Variants in RHBDD1 observed in about 807,000 individuals in gnomAD.
The protein encoded by RHBDD1 is rhomboid-related protein 4.
In RHBDD1, 38 loss-of-function variants were observed where a neutral mutation model predicts 36.3. The ratio of observed to expected loss-of-function variants is 1.05; its 90% confidence interval spans 0.81 to 1.37. The LOEUF is 1.37. Ranked by LOEUF, RHBDD1 falls within the 40% of genes most tolerant of loss-of-function variation. The pLI is 0.00. For missense variants in RHBDD1, 393 were observed against 377.6 expected (o/e 1.04, Z -0.34); for synonymous variants, 151 against 136.5 (o/e 1.11, Z -0.74).
At chr2:226,944,917 G>A (rs922022778) in intron 8 of RHBDD1, among the ~76,000 whole-genome samples, 2 of 152,090 alleles carry the variant, frequency 1.3e-5, no homozygotes, top group African/African-American at 2.4e-5. Context: ...TCATAGAGGA[G>A]CGAGGGGAGC....
the RHBDD1 span, among the ~76,000 whole-genome samples, chr2:226,806,701 TC>T: frequency 6.6e-6 from 1 of 152,170 alleles, no homozygotes; most frequent in African/African-American, 2.4e-5. Flanking sequence ...TGCACTCAGA[TC>T]TTTTTACTCT....
intron 3 of RHBDD1, among the ~76,000 whole-genome samples, chr2:226,862,438 T>G: frequency 6.6e-6 from 1 of 151,964 alleles, no homozygotes. Context: ...TTAGAGTGAG[T>G]TACCTGTTTG....
the RHBDD1 span, among the ~76,000 whole-genome samples, chr2:226,800,631 A>T: frequency 6.6e-6 from 1 of 152,172 alleles, no homozygotes; most frequent in South Asian, 2.1e-4. Context: ...GGGAGGGGAA[A>T]TGAGAGGTCC....
At chr2:226,827,579 T>C in the RHBDD1 span, among the ~76,000 whole-genome samples, 10 of 152,354 alleles carry the variant, frequency 6.6e-5, no homozygotes, top group East Asian at 1.9e-3. Context: ...TTTAACTCAG[T>C]AAGTCCAGTC....
At chr2:226,983,638 T>A (rs1430548444) in intron 8 of RHBDD1, among the ~76,000 whole-genome samples, 2 of 152,186 alleles carry the variant, frequency 1.3e-5, no homozygotes, top group Non-Finnish European at 2.9e-5. Context: ...TCCTTATTCC[T>A]TGAATGCTTG....
At chr2:226,924,270 G>A (rs527716880) in intron 8 of RHBDD1, among the ~76,000 whole-genome samples, 4 of 152,254 alleles carry the variant, frequency 2.6e-5, no homozygotes, top group Admixed American at 2.6e-4. Context: ...AAGGCAGAAG[G>A]TTTTCTTCTG....
At chr2:226,820,400 G>C in the RHBDD1 span, among the ~76,000 whole-genome samples, 1 of 152,050 alleles carries the variant, frequency 6.6e-6, no homozygotes, top group African/African-American at 2.4e-5. Context: ...TGACAACATT[G>C]TTTAGGCTAA....
chr2:226,958,024 T>G (rs2149252356), intron 8 of RHBDD1, among the ~76,000 whole-genome samples: 1 of 152,358 alleles, frequency 6.6e-6, no homozygotes, highest in Non-Finnish European at 1.5e-5. Context: ...TTAACCTGAA[T>G]ATATTAATCA....
At chr2:226,913,938 A>G (rs1200255603) in intron 7 of RHBDD1, among the ~76,000 whole-genome samples, 1 of 152,188 alleles carries the variant, frequency 6.6e-6, no homozygotes, top group African/African-American at 2.4e-5. Flanking sequence ...AGCTCATTCC[A>G]GTCTCTTCCC....
intron 8 of RHBDD1, among the ~76,000 whole-genome samples, chr2:226,979,899 C>T (rs1052691475): frequency 1.3e-5 from 2 of 152,138 alleles, no homozygotes; most frequent in African/African-American, 4.8e-5. Flanking sequence ...TAGTTGGTGA[C>T]AGGACAGATA....
chr2:226,995,249 A>C (rs75953823), intron 8 of RHBDD1, among the ~76,000 whole-genome samples, 182 bp from the exon 9 acceptor site: 2,296 of 152,314 alleles, frequency 0.015, 49 homozygotes, highest in African/African-American at 0.053. Flanking sequence ...CACTCTAAAA[A>C]TATTTACTTG....
intron 8 of RHBDD1, among the ~76,000 whole-genome samples, chr2:226,924,416 T>G (rs2125795926): frequency 6.6e-6 from 1 of 152,272 alleles, no homozygotes; most frequent in Non-Finnish European, 1.5e-5. Flanking sequence ...ACTCTTCCGT[T>G]TTCTCTCCTC....
At chr2:226,985,435 T>TA (rs1956713795) in intron 8 of RHBDD1, among the ~76,000 whole-genome samples, 2 of 152,248 alleles carry the variant, frequency 1.3e-5, no homozygotes, top group Non-Finnish European at 2.9e-5. Context: ...ATAACCCTAA[T>TA]TCTGCTTACG....
At chr2:226,829,726 TTAG>T in the RHBDD1 span, among the ~76,000 whole-genome samples, 1 of 152,324 alleles carries the variant, frequency 6.6e-6, no homozygotes, top group East Asian at 1.9e-4. Context: ...CTTATTAATT[TTAG>T]TAGTTTTATC....
At chr2:226,830,240 C>T in the RHBDD1 span, among the ~76,000 whole-genome samples, 2 of 152,102 alleles carry the variant, frequency 1.3e-5, no homozygotes, top group Admixed American at 6.6e-5. Context: ...TGAGATCGTG[C>T]CCTTATAAGA....
chr2:226,970,982 A>G (rs1953369145), intron 8 of RHBDD1, among the ~76,000 whole-genome samples: 1 of 152,242 alleles, frequency 6.6e-6, no homozygotes, highest in Admixed American at 6.5e-5. Context: ...CCCGTGTATA[A>G]TATATATCAT....
Position 226,914,872 on chromosome 2 carries a change from T to C in RHBDD1, c.856+521T>C, listed in dbSNP as rs113018797. Among the ~76,000 whole-genome samples, 28 of 152,270 alleles carry C rather than the reference T, an allele frequency of 1.8e-4. 1 individual carries two copies. Among genetic ancestry groups the C allele is most frequent in the African/African-American group, 6.5e-4 (27 of 41,560 alleles). ...CAGGAGATTCTTTTATAAACCGATA[T>C]CTGAAAAAACACTGTATATATTTTG... On this transcript the variant is annotated intron_variant, in intron 8 of 8. Coordinates refer to ENST00000392062, the MANE Select transcript of RHBDD1 (RefSeq NM_001167608.3).
intron 8 of RHBDD1, among the ~76,000 whole-genome samples, chr2:226,976,696 A>C (rs965950080): frequency 2.0e-5 from 3 of 152,194 alleles, no homozygotes; most frequent in Admixed American, 6.5e-5. Flanking sequence ...AGGGAGGGTT[A>C]GGAGTACCTT....
At chr2:226,908,982 G>T in intron 7 of RHBDD1, 104 bp downstream of exon 7, 2 of 745,788 alleles carry the variant, frequency 2.7e-6, no homozygotes, top group Non-Finnish European at 4.6e-6. Flanking sequence ...CTGTGGTAGG[G>T]TCATTCACAT....
Sources: gnomAD v4.1 joint callset for allele counts (sites outside exome capture counted in the v4.1 genomes callset) on GRCh38, gnomAD v4.1.1 for gene constraint, MANE v1.5 for transcripts, NCBI Gene and HGNC (gene_info 2026-07-23, HGNC 2026-07-21) for gene names.